The following POTEF variants were observed in gnomAD, a reference collection of about 807,000 sequenced individuals.
POTEF encodes POTE ankyrin domain family member F.
POTEF carries 20 observed loss-of-function variants against 83.2 expected under a neutral mutation model. The ratio of observed to expected loss-of-function variants is 0.24; its 90% CI spans 0.17 to 0.35. POTEF has a LOEUF of 0.35. Among genes scored for constraint, POTEF ranks in the 10% least tolerant of loss-of-function variants. The probability of loss-of-function intolerance (pLI) is 1.00; values close to 1 mark genes in which losing one functional copy is unlikely to be tolerated. For synonymous variants in POTEF, 196 were observed against 446.4 expected (o/e 0.44, Z 7.07); for missense variants, 550 against 1,203.2 (o/e 0.46, Z 8.03).
At chr2:130,128,743 G>A (rs1479433540) in intron 1 of POTEF, among the ~76,000 whole-genome samples, 23 of 118,794 alleles carry the variant, frequency 1.9e-4, no homozygotes, top group African/African-American at 5.8e-4. Context: ...ACCACCCCCC[G>A]CTGCCAGCAT....
At chr2:130,109,289 T>C (rs1000790688) in intron 7 of POTEF, 2 of 144,220 alleles carry the variant, frequency 1.4e-5, no homozygotes, top group Admixed American at 7.0e-5. Context: ...AATTTTAGGA[T>C]ATGTGCCGCC....
At chr2:130,116,626 A>G (rs1255044321) in intron 3 of POTEF, among the ~76,000 whole-genome samples, 8 of 94,992 alleles carry the variant, frequency 8.4e-5, no homozygotes, top group Non-Finnish European at 1.7e-4. Flanking sequence ...TTCCTTTGTT[A>G]GTTTGCTAAG....
At chr2:130,125,793 C>G (rs1185198292) in intron 2 of POTEF, among the ~76,000 whole-genome samples, 1 of 151,560 alleles carries the variant, frequency 6.6e-6, no homozygotes, top group Admixed American at 6.6e-5. Flanking sequence ...ATAATCCCAG[C>G]TACTCAGGGG....
In POTEF at chr2:130,075,357, G is replaced by C. The variant is rs199923369; in HGVS notation, c.2115C>G (p.Thr705=). The C allele has an allele frequency of 6.2e-7, 1 of 1,611,930 alleles. No individual in the cohort carries two copies. The highest frequency in any genetic ancestry group is 2.2e-5 in the East Asian group (1 of 44,870). Residue 705 remains threonine, a synonymous_variant, in exon 17 of 17, where the codon ACC becomes ACG. Transcript: ENST00000409914. The part of the protein sequence containing the change: ...QLNELTMDDD[T]AVLVIDNGSG... The stretch of plus-strand genomic sequence containing the variant: ...AGCCGTTGTCAATGACGAGCACAGC[G>C]GTATCATCATCCATGGTGAGCTCAT...
Position 130,120,419 on chromosome 2 carries a change from G to A in POTEF, c.97C>T (p.Pro33Ser). 1.2e-6 allele frequency: 2 copies of A among 1,612,990 alleles called. No homozygotes were observed. The highest frequency in any genetic ancestry group is 1.3e-5 in the African/African-American group (1 of 74,624). ...CTCTTGCCGCTCTCCCTGCAGCAGGGGAAGCAACGGCAGCACCACTTGCCC... is the reference window on the plus strand; with the variant it reads ...CTCTTGCCGCTCTCCCTGCAGCAGGAGAAGCAACGGCAGCACCACTTGCCC... ...KMGKWCCRCF[P>S]CCRESGKSNV... The change falls in exon 3 of 17, where the codon CCC (proline) becomes TCC (serine). Residue 33 changes from proline (P) to serine (S), a missense_variant. By Grantham distance (74) the Pro-to-Ser change is moderately conservative. Transcript: ENST00000409914.
intron 8 of POTEF, among the ~76,000 whole-genome samples, chr2:130,103,558 T>A (rs1212269422): frequency 2.1e-5 from 3 of 139,568 alleles, no homozygotes; most frequent in Non-Finnish European, 4.6e-5. Context: ...TTCCTCCACA[T>A]GTCTGTCCCG....
intron 8 of POTEF, among the ~76,000 whole-genome samples, chr2:130,106,186 G>C (rs1218873398): frequency 6.6e-6 from 1 of 150,614 alleles, no homozygotes; most frequent in Non-Finnish European, 1.5e-5. Flanking sequence ...TGGGATCCTA[G>C]GATATCAATG....
intron 15 of POTEF, among the ~76,000 whole-genome samples, chr2:130,083,248 G>T (rs1422790818): frequency 1.2e-4 from 18 of 151,232 alleles, no homozygotes; most frequent in Admixed American, 6.6e-5. Context: ...GGCAGGAGAA[G>T]TGCTGGAACT....
At chr2:130,110,322 A>C (rs1394133305) in intron 7 of POTEF, among the ~76,000 whole-genome samples, 1 of 149,022 alleles carries the variant, frequency 6.7e-6, no homozygotes, top group African/African-American at 2.5e-5. Flanking sequence ...AAGGATAAAG[A>C]TCTTAAAAGT....
In POTEF at chr2:130,120,478, G is replaced by A. The variant is rs1320856481; in HGVS notation, c.38C>T (p.Ser13Phe). ...VEVDSMPAAS[S>F]VKKPFGLRSK... ...CCTGAGACCAAATGGCTTCTTCACA[G>A]AAGAGGCAGCCGGCATGGAATCAAC... Residue 13 changes from serine (S) to phenylalanine (F), a missense_variant, in exon 3 of 17, where the codon TCT becomes TTT. By Grantham distance (155) the Ser-to-Phe change is radical. Transcript: ENST00000409914. The A allele has an allele frequency of 1.2e-6, 2 of 1,613,170 alleles. No individual in the cohort carries two copies. The highest frequency in any genetic ancestry group is 1.7e-6 in the Non-Finnish European group (2 of 1,179,658).
chr2:130,121,193 G>A (rs1684995900), intron 2 of POTEF, among the ~76,000 whole-genome samples: 1 of 150,856 alleles, frequency 6.6e-6, no homozygotes, highest in African/African-American at 2.5e-5. Flanking sequence ...ACTGGCCGAT[G>A]CATGCAACGC....
rs1683814965 is a variant in POTEF at position 130,076,688 on chromosome 2, C to A, written c.1899+393G>T. 2.0e-5 allele frequency among the ~76,000 whole-genome samples: 3 copies of A among 146,522 alleles called. No individual in the cohort carries two copies. In the South Asian group the frequency reaches 6.5e-4, roughly 32 times the overall value. On this transcript the variant is annotated intron_variant, in intron 16 of 16. Coordinates refer to ENST00000409914, the MANE Select transcript of POTEF (RefSeq NM_001099771.2). ...ATCCACAATGTGGCCTCTGACCCAGCTATACATTTCCTACTTTCTTATCAG... is the reference window on the plus strand; with the variant it reads ...ATCCACAATGTGGCCTCTGACCCAGATATACATTTCCTACTTTCTTATCAG...
At position 130,074,526 on chromosome 2, in the gene POTEF, G is replaced by C; in HGVS notation, c.2946C>G (p.Ile982Met). 1 of 1,514,322 alleles carries C rather than the reference G, an allele frequency of 6.6e-7. No individual in the cohort carries two copies. The highest frequency in any genetic ancestry group is 9.0e-7 in the Non-Finnish European group (1 of 1,116,964). The allele number at this position is 1,514,322 out of a possible 1,614,324, so 93.8% of individuals were successfully genotyped here. The change falls in exon 17 of 17, where the codon ATC becomes ATG. Residue 982 changes from isoleucine to methionine, a missense_variant. Ile to Met is a conservative substitution (Grantham distance 10). Coordinates refer to ENST00000409914, the MANE Select transcript of POTEF (RefSeq NM_001099771.2). ...TGCGGATGTCCACATCAGACTTCAT[G>C]ATGGAGTTGAAGGTAGTTTCATGGA... is the stretch of plus-strand genomic sequence containing the variant. ...CGIHETTFNS[I>M]MKSDVDIRKD... is the part of the protein sequence containing the mutation.
chr2:130,109,995 G>T lies in POTEF; in HGVS notation c.1055+548C>A, dbSNP rs1018149920. ...ATCTGAATCTACTGATTCATCTTAA[G>T]GCAGCAGGACCAGTTTGAGTGGCCA... On this transcript the variant is annotated intron_variant, in intron 7 of 16. Coordinates refer to ENST00000409914, the MANE Select transcript of POTEF (RefSeq NM_001099771.2). 2.6e-4 allele frequency among the ~76,000 whole-genome samples: 40 copies of T among 151,456 alleles called. 1 individual carries two copies. Among genetic ancestry groups the T allele is most frequent in the African/African-American group, 9.5e-4 (39 of 40,942 alleles).
In POTEF at chr2:130,110,348, C is replaced by T. The variant is rs527376166; in HGVS notation, c.1055+195G>A. On this transcript the variant is annotated intron_variant, in intron 7 of 16. Coordinates refer to ENST00000409914, the MANE Select transcript of POTEF (RefSeq NM_001099771.2). ...TCTTAAAAGTCCTGAGATAAAGAAT[C>T]CCGCACCCATTGGTACTTCTAACTT... Among the ~76,000 whole-genome samples, 19 of 150,726 alleles carry T rather than the reference C, an allele frequency of 1.3e-4. No homozygotes were observed. In the South Asian group the frequency reaches 4.0e-3, roughly 32 times the overall value.
At chr2:130,124,806 C>T (rs1685057651) in intron 2 of POTEF, among the ~76,000 whole-genome samples, 1 of 128,690 alleles carries the variant, frequency 7.8e-6, no homozygotes, top group South Asian at 2.7e-4. Flanking sequence ...TACCTTAGAT[C>T]CTCTCATGTG....
intron 7 of POTEF, among the ~76,000 whole-genome samples, chr2:130,109,896 T>C (rs1230978628): frequency 6.6e-6 from 1 of 151,256 alleles, no homozygotes; most frequent in East Asian, 1.9e-4. Context: ...GAACAATGGC[T>C]GAGCATATAA....
chr2:130,117,267 C>A (rs1684867695), intron 3 of POTEF, among the ~76,000 whole-genome samples: 1 of 151,756 alleles, frequency 6.6e-6, no homozygotes, highest in Admixed American at 6.6e-5. Flanking sequence ...TAAACACAAT[C>A]CCTCTACTTC....
At chr2:130,102,860 G>A (rs1684411962) in intron 8 of POTEF, among the ~76,000 whole-genome samples, 2 of 151,566 alleles carry the variant, frequency 1.3e-5, no homozygotes, top group Non-Finnish European at 2.9e-5. Flanking sequence ...CATAAGCCAA[G>A]CCCTGTCTTT....
Sources: allele counts gnomAD v4.1 joint callset (sites outside exome capture counted in the v4.1 genomes callset), GRCh38; gene constraint gnomAD v4.1.1; transcripts MANE v1.5; gene names NCBI Gene and HGNC (gene_info 2026-07-23, HGNC 2026-07-21).